The following MYH6 variants were observed in gnomAD, a reference collection of about 807,000 sequenced individuals.
The protein encoded by MYH6 is myosin-6.
Under a neutral mutation model 223.2 loss-of-function variants are expected in MYH6, and 126 were observed. That is an observed-to-expected ratio of 0.56 (90% confidence interval 0.49 to 0.65). MYH6 has a LOEUF of 0.65. MYH6 is among the 30% of genes least tolerant of loss of function. MYH6 has a pLI of 0.00. For synonymous variants in MYH6, 978 were observed against 1,010.2 expected (o/e 0.97, Z 0.61); for missense variants, 2,040 against 2,536.4 (o/e 0.80, Z 4.20).
Position 23,387,857 on chromosome 14 carries a change from C to T in MYH6, c.4426G>A (p.Ala1476Thr). The T allele has an allele frequency of 6.2e-7, 1 of 1,614,084 alleles. No individual in the cohort carries two copies. The highest frequency in any genetic ancestry group is 2.2e-5 in the East Asian group (1 of 44,854). The change falls in exon 31 of 39, where the codon GCT (alanine) becomes ACT (threonine). Residue 1476 changes from alanine (A) to threonine (T), a missense_variant. Physicochemically the swap from Ala to Thr is moderately conservative, Grantham distance 58 (BLOSUM62 0). Coordinates refer to ENST00000405093, the MANE Select transcript of MYH6 (RefSeq NM_002471.4). Reference protein sequence around the residue: ...QSELESSQKEARSLSTELFKL... With the variant: ...QSELESSQKETRSLSTELFKL... ...AAGAGCTCTGTGCTGAGGGAGCGAG[C>T]CTCCTTCTGTGAGGACTCCAGCTCA... is the stretch of plus-strand genomic sequence containing the variant.
In MYH6 at chr14:23,405,539, T is replaced by C; in HGVS notation, c.345+88A>G. ...AGGGGACTTGGGTCCCTTGGGAGTC[T>C]CTCCCCCTCTTCTTGGGAGAGCCCC... On this transcript the variant is annotated intron_variant, in intron 4 of 38. Coordinates refer to ENST00000405093, the MANE Select transcript of MYH6 (RefSeq NM_002471.4). The surrounding 1 kb of genome is among the most constrained non-coding windows in gnomAD (Gnocchi z 4.7). 6.2e-7 allele frequency: 1 copy of C among 1,603,398 alleles called. No homozygotes were observed. The highest frequency in any genetic ancestry group is 8.5e-7 in the Non-Finnish European group (1 of 1,173,708).
At chr14:23,385,117 G>A in intron 34 of MYH6, 76 bp from the exon 35 acceptor site, 1 of 1,587,168 alleles carries the variant, frequency 6.3e-7, no homozygotes, top group South Asian at 1.1e-5. Context: ...TCTCCAGAAA[G>A]AATTAAAGGT....
Position 23,407,026 on chromosome 14 carries a change from C to G in MYH6, c.198G>C (p.Gly66=). ...GGKVIAETEN[G]KTVTVKEDQV... ...CCCGGCGCCATGCCCTACTCACCTT[C>G]CCATTCTCGGTTTCAGCAATGACCT... Residue 66 remains glycine (G), a synonymous_variant, in exon 3 of 39, where the codon GGG becomes GGC. Coordinates refer to ENST00000405093, the MANE Select transcript of MYH6 (RefSeq NM_002471.4). This position sits in a 1 kb window ranked among gnomAD's most constrained non-coding sequence, Gnocchi z 5.6. 6.2e-7 allele frequency: 1 copy of G among 1,614,200 alleles called. No individual in the cohort carries two copies.
chr14:23,401,029 T>C (rs1243346418), intron 12 of MYH6, 52 bp from the exon 13 acceptor site: 3 of 1,584,382 alleles, frequency 1.9e-6, no homozygotes, highest in Non-Finnish European at 2.6e-6. Flanking sequence ...TTTTTTAAGA[T>C]AGAGGCTTGC....
chr14:23,403,902 T>C (rs1891692847), intron 8 of MYH6, 124 bp from the exon 9 acceptor site: 7 of 889,568 alleles, frequency 7.9e-6, no homozygotes, highest in South Asian at 1.4e-5. Flanking sequence ...GGTGTCTCAG[T>C]TGAGTATAAG....
At chr14:23,396,920 G>T in intron 18 of MYH6, 43 bp downstream of exon 18, 1 of 1,612,452 alleles carries the variant, frequency 6.2e-7, no homozygotes, top group African/African-American at 1.3e-5. Context: ...AGGGCAGCCT[G>T]GCTCCCCCTG....
At chr14:23,385,214 C>T (rs1890985271) in intron 34 of MYH6, among the ~76,000 whole-genome samples, 173 bp from the exon 35 acceptor site, 1 of 151,746 alleles carries the variant, frequency 6.6e-6, no homozygotes, top group African/African-American at 2.4e-5. Context: ...AAAGTGCATA[C>T]ATTCTAGACA....
Position 23,382,023 on chromosome 14 carries a change from A to G in MYH6, c.*17T>C. Reference sequence around the variant, plus strand: ...TATTTATTACAGGTTGGCAAGAGTGAGGTTCCCGAGGCAGTGTCACTCCTC... The same window carrying G: ...TATTTATTACAGGTTGGCAAGAGTGGGGTTCCCGAGGCAGTGTCACTCCTC... On this transcript the variant is annotated 3_prime_UTR_variant, in exon 39 of 39. Transcript: ENST00000405093. The G allele has an allele frequency of 6.2e-7, 1 of 1,614,134 alleles. No homozygotes were observed. The highest frequency in any genetic ancestry group is 8.5e-7 in the Non-Finnish European group (1 of 1,180,024).
intron 19 of MYH6, 110 bp downstream of exon 19, chr14:23,396,584 G>A: frequency 6.3e-7 from 1 of 1,596,694 alleles, no homozygotes; most frequent in Non-Finnish European, 8.6e-7. Flanking sequence ...TTCAGCCCTT[G>A]ATAAGGTTGA....
chr14:23,383,278 C>G lies in MYH6; in HGVS notation c.5608G>C (p.Val1870Leu). The G allele has an allele frequency of 7.0e-7, 1 of 1,418,442 alleles. No homozygotes were observed. The highest frequency in any genetic ancestry group is 9.4e-7 in the Non-Finnish European group (1 of 1,060,598). The allele number at this position is 1,418,442 out of a possible 1,614,324, so 87.9% of individuals were successfully genotyped here. A position where few individuals can be genotyped will look rare whatever the true frequency, so the allele number is the denominator to read the frequency against. ...KKNLLRLQDL[V>L]DKLQLKVKAY... ...TTGACCTTCAGTTGCAGCTTGTCCA[C>G]CAGGTCCTGTAGCCGCAGCAGGTTC... Residue 1870 changes from valine (V) to leucine (L), a missense_variant, in exon 37 of 39, where the codon GTG (valine) becomes CTG (leucine). By Grantham distance (32) the Val-to-Leu change is conservative (BLOSUM62 1). Transcript: ENST00000405093.
At chr14:23,384,421 G>A (rs1195214567) in intron 36 of MYH6, 21 bp downstream of exon 36, 1 of 1,607,604 alleles carries the variant, frequency 6.2e-7, no homozygotes, top group East Asian at 2.2e-5. Flanking sequence ...ATCTACTCCT[G>A]GTGTCTGGCG....
intron 35 of MYH6, 35 bp downstream of exon 35, chr14:23,384,881 T>A (rs764716802): frequency 1.2e-6 from 2 of 1,613,440 alleles, no homozygotes; most frequent in Non-Finnish European, 1.7e-6. Context: ...CTTGTTTCTG[T>A]CTTTAGGGGA....
At chr14:23,384,890 G>T (rs1443285203) in intron 35 of MYH6, 26 bp downstream of exon 35, 2 of 1,613,464 alleles carry the variant, frequency 1.2e-6, no homozygotes, top group East Asian at 2.2e-5. Flanking sequence ...GTCTTTAGGG[G>T]AGGCGGAAGG....
chr14:23,401,011 CTT>C (rs751108399), intron 12 of MYH6, 34 bp from the exon 13 acceptor site: 428 of 1,436,442 alleles, frequency 3.0e-4, no homozygotes, highest in Admixed American at 8.4e-4. Context: ...TGAGCACTTC[CTT>C]TTTTTTTTTT....
chr14:23,383,339 G>GGGGGGGGGGGCGGCCCCCCCC lies in MYH6; in HGVS notation c.5566-20_5566-19insGGGGGGGGCCGCCCCCCCCCC. The GGGGGGGGGGGCGGCCCCCCCC allele has an allele frequency of 9.2e-6, 1 of 108,202 alleles. No homozygotes were observed. Among genetic ancestry groups the GGGGGGGGGGGCGGCCCCCCCC allele is most frequent in the Non-Finnish European group, 1.8e-5 (1 of 54,384 alleles). 6.7% of individuals were successfully genotyped at this position (108,202 alleles called of 1,614,324 possible). ...CCTCTGTCTGGGGGTGGGAGGGTGG[G>GGGGGGGGGGGCGGCCCCCCCC]AGAAGCTGGTTTGGAGGGGGAGCAA... On this transcript the variant is annotated intron_variant, in intron 36 of 38. Coordinates refer to ENST00000405093, the MANE Select transcript of MYH6 (RefSeq NM_002471.4).
chr14:23,403,430 G>A lies in MYH6; in HGVS notation c.816C>T (p.Ser272=), dbSNP rs779569826. ...ADIETYLLEK[S]RVIFQLKAER... Reference sequence around the variant, plus strand: ...CAGCTTTCAGCTGGAAGATCACCCGGGACTTCTCCAGCAGGTCTGAGGTGG... The same window carrying A: ...CAGCTTTCAGCTGGAAGATCACCCGAGACTTCTCCAGCAGGTCTGAGGTGG... Residue 272 remains serine (S), a synonymous_variant, in exon 10 of 39, where the codon TCC becomes TCT. Coordinates refer to ENST00000405093, the MANE Select transcript of MYH6 (RefSeq NM_002471.4). The A allele has an allele frequency of 6.2e-7, 1 of 1,614,074 alleles. No individual in the cohort carries two copies. The highest frequency in any genetic ancestry group is 2.2e-5 in the East Asian group (1 of 44,870).
chr14:23,404,576 A>G (rs560440625), intron 7 of MYH6, 135 bp downstream of exon 7: 1 of 1,093,918 alleles, frequency 9.1e-7, no homozygotes, highest in East Asian at 2.5e-5. Flanking sequence ...AAGGTCTTCC[A>G]TACTGGGCTG....
intron 25 of MYH6, among the ~76,000 whole-genome samples, chr14:23,392,186 C>T (rs185160648): frequency 1.9e-4 from 28 of 150,604 alleles, no homozygotes; most frequent in Admixed American, 5.3e-4. Context: ...GAGCAGCTCA[C>T]AGGAAGGTGC....
chr14:23,402,920 A>G (rs1663961012), intron 10 of MYH6, 120 bp from the exon 11 acceptor site: 1 of 759,506 alleles, frequency 1.3e-6, no homozygotes, highest in Non-Finnish European at 2.3e-6. Context: ...TGAATGGAGG[A>G]AGGGAGGACA....
Sources: gnomAD v4.1 joint callset for allele counts (sites outside exome capture counted in the v4.1 genomes callset) on GRCh38, gnomAD v4.1.1 for gene constraint, Gnocchi (gnomAD v3.1) non-coding constraint, MANE v1.5 for transcripts, NCBI Gene and HGNC (gene_info 2026-07-23, HGNC 2026-07-21) for gene names.